The following PDE4D variants were observed in gnomAD, a reference collection of about 807,000 sequenced individuals.
PDE4D encodes the protein phosphodiesterase 4D, also known as 3',5'-cyclic-AMP phosphodiesterase 4D.
PDE4D carries 24 observed loss-of-function variants against 87.4 expected under a neutral mutation model. The ratio of observed to expected loss-of-function variants is 0.27; its 90% CI spans 0.20 to 0.39. The LOEUF (loss-of-function observed/expected upper bound fraction) is 0.39. PDE4D is among the 10% of genes least tolerant of loss of function. The pLI is 1.00. For missense variants in PDE4D, 714 were observed against 1,041.0 expected (o/e 0.69, Z 4.32); for synonymous variants, 384 against 383.2 (o/e 1.00, Z -0.02).
At chr5:59,033,907 T>C (rs1758041594) in intron 6 of PDE4D, among the ~76,000 whole-genome samples, 7 of 152,184 alleles carry the variant, frequency 4.6e-5, no homozygotes, top group Admixed American at 4.6e-4. Context: ...AATTAAATGT[T>C]GGGAATAATT....
At chr5:60,376,936 C>G (rs1385025650) in intron 1 of PDE4D, among the ~76,000 whole-genome samples, 1 of 152,226 alleles carries the variant, frequency 6.6e-6, no homozygotes, top group Non-Finnish European at 1.5e-5. Context: ...TTCATCACAA[C>G]TTGTGTTTTC....
At chr5:59,232,784 C>T (rs1411819200) in intron 1 of PDE4D, among the ~76,000 whole-genome samples, 1 of 150,702 alleles carries the variant, frequency 6.6e-6, no homozygotes, top group Non-Finnish European at 1.5e-5. Context: ...AAAGTATCCA[C>T]CAACAAACAA....
At chr5:59,823,551 G>A (rs796655037) in intron 1 of PDE4D, among the ~76,000 whole-genome samples, 13 of 151,976 alleles carry the variant, frequency 8.6e-5, no homozygotes, top group South Asian at 8.3e-4. Flanking sequence ...CCTTGTCTGC[G>A]ATTCAACACT....
chr5:59,911,330 C>CACCA (rs1185228406), intron 3 of PDE4D, among the ~76,000 whole-genome samples: 1 of 152,118 alleles, frequency 6.6e-6, no homozygotes, highest in East Asian at 1.9e-4. Context: ...GATCAGCTGG[C>CACCA]ACCACCCAGA....
intron 2 of PDE4D, among the ~76,000 whole-genome samples, chr5:60,096,880 C>T (rs1380426032): frequency 1.3e-5 from 2 of 152,030 alleles, no homozygotes; most frequent in African/African-American, 2.4e-5. Flanking sequence ...ATTGTTTTAT[C>T]TCATACCCAA....
chr5:59,383,665 G>A (rs1167734598), intron 1 of PDE4D, among the ~76,000 whole-genome samples: 2 of 151,852 alleles, frequency 1.3e-5, no homozygotes, highest in Non-Finnish European at 2.9e-5. Context: ...GTAAATAGAA[G>A]CTATTCAAAA....
chr5:59,715,886 G>A (rs925784303), intron 1 of PDE4D, among the ~76,000 whole-genome samples: 10 of 152,180 alleles, frequency 6.6e-5, no homozygotes, highest in Non-Finnish European at 1.2e-4. Context: ...TACTGCTGTG[G>A]CCTCTGGGTC....
intron 5 of PDE4D, among the ~76,000 whole-genome samples, chr5:59,177,114 T>C (rs1408438345): frequency 6.6e-6 from 1 of 152,092 alleles, no homozygotes; most frequent in Non-Finnish European, 1.5e-5. Context: ...TAACCCAATA[T>C]GTGTTGGTAT....
intron 1 of PDE4D, among the ~76,000 whole-genome samples, chr5:60,377,399 A>C (rs932944958): frequency 2.6e-5 from 4 of 152,220 alleles, no homozygotes; most frequent in African/African-American, 9.6e-5. Flanking sequence ...AAATCAGATC[A>C]AGGGATTGAA....
At chr5:59,354,931 A>G (rs1781131912) in intron 1 of PDE4D, among the ~76,000 whole-genome samples, 1 of 152,228 alleles carries the variant, frequency 6.6e-6, no homozygotes, top group Admixed American at 6.5e-5. Context: ...CACATATAAA[A>G]AAATTAATTA....
chr5:59,565,393 C>A (rs1820706295), intron 1 of PDE4D, among the ~76,000 whole-genome samples: 2 of 152,122 alleles, frequency 1.3e-5, no homozygotes, highest in African/African-American at 4.8e-5. Context: ...TTGGTTTGCA[C>A]CTGTAGTCCC....
chr5:60,120,040 C>G (rs918497618), intron 2 of PDE4D, among the ~76,000 whole-genome samples: 1 of 152,130 alleles, frequency 6.6e-6, no homozygotes, highest in Admixed American at 6.5e-5. Flanking sequence ...TCCAAGCATT[C>G]TTTACAGGTC....
intron 1 of PDE4D, among the ~76,000 whole-genome samples, chr5:59,706,039 G>A (rs1169201064): frequency 6.6e-6 from 1 of 152,112 alleles, no homozygotes; most frequent in Non-Finnish European, 1.5e-5. Flanking sequence ...TCCATCTCTA[G>A]ACTAGTACCT....
chr5:59,108,699 G>A (rs1772040969), intron 5 of PDE4D, among the ~76,000 whole-genome samples: 1 of 152,092 alleles, frequency 6.6e-6, no homozygotes, highest in African/African-American at 2.4e-5. Flanking sequence ...TTCTAGACCA[G>A]CCTGGCCAAC....
At chr5:59,574,907 T>A (rs1039202323) in intron 1 of PDE4D, among the ~76,000 whole-genome samples, 1 of 152,174 alleles carries the variant, frequency 6.6e-6, no homozygotes, top group Non-Finnish European at 1.5e-5. Context: ...TCTTTCATAA[T>A]AAAGTGAGAA....
chr5:59,419,519 CT>C (rs1211086082), intron 1 of PDE4D, among the ~76,000 whole-genome samples: 1 of 152,128 alleles, frequency 6.6e-6, no homozygotes, highest in Non-Finnish European at 1.5e-5. Context: ...AGGGCAGGTT[CT>C]TTGTATGATC....
intron 1 of PDE4D, among the ~76,000 whole-genome samples, chr5:59,464,764 T>C (rs1801316588): frequency 1.3e-5 from 2 of 150,728 alleles, no homozygotes; most frequent in South Asian, 4.2e-4. Flanking sequence ...ACTCGGGTCA[T>C]GCAGGAATCA....
At chr5:59,213,184 C>T (rs1328972935) in intron 2 of PDE4D, among the ~76,000 whole-genome samples, 1 of 147,472 alleles carries the variant, frequency 6.8e-6, no homozygotes, top group Non-Finnish European at 1.5e-5. Context: ...TTTCCAGACA[C>T]AGTCTTGTCT....
At position 60,413,690 on chromosome 5, in the gene PDE4D, T is replaced by C. The variant is rs142517098; in HGVS notation, c.-90+74252A>G. Among the ~76,000 whole-genome samples the C allele has an allele frequency of 8.6e-5, 13 of 151,596 alleles. No homozygotes were observed. The East Asian group carries it at 2.5e-3, about 29-fold the overall frequency. Reference sequence around the variant, plus strand: ...AAGAGAATTTGGGAGTGGTTTGTTTTAATTTTGAATTTCTTTTTTCGTTTA... The same window carrying C: ...AAGAGAATTTGGGAGTGGTTTGTTTCAATTTTGAATTTCTTTTTTCGTTTA... On this transcript the variant is annotated intron_variant, in intron 1 of 16. Coordinates refer to the PDE4D transcript ENST00000502484.
Sources: gnomAD v4.1 joint callset for allele counts (sites outside exome capture counted in the v4.1 genomes callset) on GRCh38, gnomAD v4.1.1 for gene constraint, MANE v1.5 for transcripts, NCBI Gene and HGNC (gene_info 2026-07-23, HGNC 2026-07-21) for gene names.